ANP32E: variants seen among roughly 807,000 people sequenced by gnomAD.
ANP32E encodes the protein acidic leucine-rich nuclear phosphoprotein 32 family member E.
In ANP32E, 14 loss-of-function variants were observed where a neutral mutation model predicts 35.3. That is an observed-to-expected ratio of 0.40 (90% CI 0.26 to 0.62). The LOEUF (loss-of-function observed/expected upper bound fraction) is 0.62, where lower values mean the gene tolerates loss of function less well. ANP32E is among the 20% of genes least tolerant of loss of function. The probability of loss-of-function intolerance (pLI) is 0.45; values close to 1 mark genes in which losing one functional copy is unlikely to be tolerated. For missense variants in ANP32E, 198 were observed against 304.4 expected (o/e 0.65, Z 2.60); for synonymous variants, 89 against 110.4 (o/e 0.81, Z 1.22).
chr1:150,235,242 C>T lies in ANP32E; in HGVS notation c.54+491G>A, dbSNP rs1649679537. On this transcript the variant is annotated intron_variant, in intron 1 of 6. Coordinates refer to ENST00000583931, the MANE Select transcript of ANP32E (RefSeq NM_030920.5). This position sits in a 1 kb window ranked among gnomAD's most constrained non-coding sequence, Gnocchi z 4.2. ...GCAAGCGACCCCAGCCCGCGCCCGT[C>T]GCGACGTCGGACGCCCAGGGCCTCG... Among the ~76,000 whole-genome samples, 1 of 152,228 alleles carries T rather than the reference C, an allele frequency of 6.6e-6. No individual in the cohort carries two copies. Among genetic ancestry groups the T allele is most frequent in the African/African-American group, 2.4e-5 (1 of 41,462 alleles).
chr1:150,223,172 C>A lies in ANP32E; in HGVS notation c.736+14G>T, dbSNP rs1648572574. 1 of 1,498,042 alleles carries A rather than the reference C, an allele frequency of 6.7e-7. No homozygotes were observed. The allele number at this position is 1,498,042 out of a possible 1,614,324, so 92.8% of individuals were successfully genotyped here. ...CTTTAATTTTATAATTTGTTTATGG[C>A]TAATGTAACTCACCCTCTTCTTCCT... On this transcript the variant is annotated intron_variant, in intron 6 of 6. Coordinates refer to ENST00000583931, the MANE Select transcript of ANP32E (RefSeq NM_030920.5).
In ANP32E at chr1:150,231,901, C is replaced by A. The variant is rs1553841831; in HGVS notation, c.80G>T (p.Cys27Phe). The A allele has an allele frequency of 6.2e-7, 1 of 1,611,320 alleles. No individual in the cohort carries two copies. Among genetic ancestry groups the A allele is most frequent in the Non-Finnish European group, 8.5e-7 (1 of 1,179,394 alleles). ...TTCAATTTCCCCATTGACACACAGG[C>A]AATTATCAAGGACTAACTCTGTCAC... ...EEVTELVLDN[C>F]LCVNGEIEGL... Residue 27 changes from cysteine (C) to phenylalanine (F), a missense_variant, in exon 2 of 7, where the codon TGC becomes TTC. Cys to Phe is a radical substitution (Grantham distance 205). This residue lies in a region of ANP32E where 35 missense variants were observed against 47.6 expected (regional missense o/e 0.74). Transcript: ENST00000583931.
Position 150,234,306 on chromosome 1 carries a change from T to C in ANP32E, c.54+1427A>G, listed in dbSNP as rs187143864. ...TTAAAGTTTGATTTTGGTTTTTTTA[T>C]TTTTTTCCTGAAGCCTCTAAGAATA... On this transcript the variant is annotated intron_variant, in intron 1 of 6. Coordinates refer to ENST00000583931, the MANE Select transcript of ANP32E (RefSeq NM_030920.5). Among the ~76,000 whole-genome samples the C allele has an allele frequency of 6.2e-5, 9 of 145,474 alleles. No homozygotes were observed. In the East Asian group the frequency reaches 1.8e-3, roughly 29 times the overall value.
rs1056327879 is a variant in ANP32E, at chr1:150,235,360, C to T, written c.54+373G>A. Among the ~76,000 whole-genome samples the T allele has an allele frequency of 6.6e-6, 1 of 152,178 alleles. No individual in the cohort carries two copies. Among genetic ancestry groups the T allele is most frequent in the African/African-American group, 2.4e-5 (1 of 41,452 alleles). On this transcript the variant is annotated intron_variant, in intron 1 of 6. Coordinates refer to ENST00000583931, the MANE Select transcript of ANP32E (RefSeq NM_030920.5). This position sits in a 1 kb window ranked among gnomAD's most constrained non-coding sequence, Gnocchi z 4.2. ...CAGGCGCCTATGGCTGCGGCAGGGGCTGAGTGGGACTGGGGGGTCGCGCCC... is the reference window on the plus strand; with the variant it reads ...CAGGCGCCTATGGCTGCGGCAGGGGTTGAGTGGGACTGGGGGGTCGCGCCC...
Position 150,236,099 on chromosome 1 carries a change from G to C in ANP32E, c.-313C>G, listed in dbSNP as rs1649764601. On this transcript the variant is annotated 5_prime_UTR_variant, in exon 1 of 7. Coordinates refer to ENST00000583931, the MANE Select transcript of ANP32E (RefSeq NM_030920.5). ...ACCCGCAGTTCCTTCCCCTTCAATG[G>C]CTGCTCAGAGACTGAGCCTCCATGA... is the stretch of plus-strand genomic sequence containing the variant. 2 of 287,314 alleles carry C rather than the reference G, an allele frequency of 7.0e-6. No individual in the cohort carries two copies. The highest frequency in any genetic ancestry group is 1.3e-5 in the Non-Finnish European group (2 of 150,350). 17.8% of individuals were successfully genotyped at this position (287,314 alleles called of 1,614,324 possible).
rs1204505585 is a variant in ANP32E, at chr1:150,236,020, GCACA to G, written c.-238_-235del. ...CCTCCTTGTCCACACACTAGCGCGC[GCACA>G]CACACGCACGCACGCGCGCACACAC... On this transcript the variant is annotated 5_prime_UTR_variant, in exon 1 of 7. An upstream open reading frame in the 5' UTR gains an earlier in-frame stop. Transcript: ENST00000583931. 3 of 545,506 alleles carry G rather than the reference GCACA, an allele frequency of 5.5e-6. No homozygotes were observed. Among genetic ancestry groups the G allele is most frequent in the Middle Eastern group, 3.1e-4 (1 of 3,186 alleles). 33.8% of individuals were successfully genotyped at this position (545,506 alleles called of 1,614,324 possible).
chr1:150,222,524 G>A (rs1242474674), intron 6 of ANP32E, among the ~76,000 whole-genome samples: 1 of 151,500 alleles, frequency 6.6e-6, no homozygotes, highest in Non-Finnish European at 1.5e-5. Flanking sequence ...GGGAGGGTGG[G>A]GTGGGCAGAT....
chr1:150,232,072 C>T (rs1649387680), intron 1 of ANP32E, 146 bp from the exon 2 acceptor site: 4 of 756,094 alleles, frequency 5.3e-6, no homozygotes, highest in African/African-American at 1.8e-5. Flanking sequence ...CGGCCGGGCG[C>T]GGTGGCTCAC....
intron 4 of ANP32E, 85 bp from the exon 5 acceptor site, chr1:150,226,880 A>T: frequency 3.4e-6 from 5 of 1,471,698 alleles, no homozygotes; most frequent in Non-Finnish European, 4.5e-6. Flanking sequence ...TTGCCCAATC[A>T]CTTCAAACTT....
chr1:150,229,297 T>TA, intron 3 of ANP32E, 60 bp from the exon 4 acceptor site: 294 of 832,074 alleles, frequency 3.5e-4, no homozygotes, highest in Non-Finnish European at 4.4e-4. Context: ...ATTTCTTTTT[T>TA]CTTTTTTTTT....
chr1:150,234,668 C>T, intron 1 of ANP32E: 3 of 985,616 alleles, frequency 3.0e-6, no homozygotes, highest in Non-Finnish European at 2.4e-6. Context: ...CGACCTGCCG[C>T]TCCGACTGAC....
intron 5 of ANP32E, among the ~76,000 whole-genome samples, chr1:150,225,287 T>A: frequency 6.6e-6 from 1 of 152,100 alleles, no homozygotes; most frequent in East Asian, 1.9e-4. Context: ...TCATTTCAGA[T>A]AGAGTGAACA....
At chr1:150,230,079 A>G (rs185880243) in intron 3 of ANP32E, among the ~76,000 whole-genome samples, 3 of 152,102 alleles carry the variant, frequency 2.0e-5, no homozygotes, top group Non-Finnish European at 4.4e-5. Flanking sequence ...GGGTCTCACT[A>G]TGTTGCCCAG....
chr1:150,223,239 T>C lies in ANP32E; in HGVS notation c.683A>G (p.Asp228Gly). 2.6e-6 allele frequency: 4 copies of C among 1,527,166 alleles called. No individual in the cohort carries two copies. Among genetic ancestry groups the C allele is most frequent in the Non-Finnish European group, 8.9e-7 (1 of 1,125,010 alleles). The allele number at this position is 1,527,166 out of a possible 1,614,324, so 94.6% of individuals were successfully genotyped here. Residue 228 changes from aspartate (D) to glycine (G), a missense_variant and splice_region_variant, in exon 6 of 7, where the codon GAT (aspartate) becomes GGT (glycine). Physicochemically the swap from Asp to Gly is moderately conservative, Grantham distance 94. This residue lies in a region of ANP32E where 121 missense variants were observed against 137.3 expected (regional missense o/e 0.88). Coordinates refer to ENST00000583931, the MANE Select transcript of ANP32E (RefSeq NM_030920.5). ...AACATAGTCATCATCATCTTCTTCA[T>C]CCTTGAAATTCAAATATTCAGTTTG... ...LSYLMKEEIQ[D>G]EEDDDDYVEE...
At chr1:150,230,247 C>A (rs1422807906) in intron 3 of ANP32E, among the ~76,000 whole-genome samples, 1 of 151,154 alleles carries the variant, frequency 6.6e-6, no homozygotes, top group Non-Finnish European at 1.5e-5. Flanking sequence ...TCCCTCAAAC[C>A]AGGAAAGAAG....
intron 3 of ANP32E, 66 bp downstream of exon 3, chr1:150,230,505 A>G: frequency 6.8e-7 from 1 of 1,460,712 alleles, no homozygotes; most frequent in South Asian, 1.4e-5. Flanking sequence ...AAATTAATAG[A>G]CACAAACAAA....
chr1:150,233,003 G>A (rs1204063666), intron 1 of ANP32E, among the ~76,000 whole-genome samples: 1 of 151,772 alleles, frequency 6.6e-6, no homozygotes, highest in Non-Finnish European at 1.5e-5. Context: ...GGGGGCTCAC[G>A]CCTGTAATCC....
intron 3 of ANP32E, 61 bp from the exon 4 acceptor site, chr1:150,229,298 CTTTTTT>C (rs368884324): frequency 1.6e-5 from 7 of 429,532 alleles, no homozygotes; most frequent in East Asian, 6.0e-5. Flanking sequence ...TTTCTTTTTT[CTTTTTT>C]TTTTTTTTTT....
intron 5 of ANP32E, among the ~76,000 whole-genome samples, chr1:150,225,237 C>T (rs772720480): frequency 4.6e-4 from 70 of 152,144 alleles, no homozygotes; most frequent in Non-Finnish European, 8.2e-4. Context: ...GTGCACTTCA[C>T]AAGCTTCACT....
Sources: gnomAD v4.1 joint callset for allele counts (sites outside exome capture counted in the v4.1 genomes callset) on GRCh38, gnomAD v4.1.1 for gene constraint, gnomAD v4.1.1 regional missense constraint, Gnocchi (gnomAD v3.1) non-coding constraint, MANE v1.5 for transcripts, NCBI Gene and HGNC (gene_info 2026-07-23, HGNC 2026-07-21) for gene names.